MTRR: variants seen among roughly 807,000 people sequenced by gnomAD.
MTRR encodes the protein methionine synthase reductase.
In MTRR, 63 loss-of-function variants were observed where a neutral mutation model predicts 79.2. The ratio of observed to expected loss-of-function variants is 0.80; its 90% CI spans 0.65 to 0.98. The LOEUF is 0.98. MTRR is among the 50% of genes least tolerant of loss of function. MTRR has a pLI of 0.00. For missense variants in MTRR, 895 were observed against 839.6 expected, an observed-to-expected ratio of 1.07 and a Z score of -0.82; for synonymous variants, 355 against 313.3, an observed-to-expected ratio of 1.13 and a Z score of -1.41.
intron 10 of MTRR, 54 bp from the exon 11 acceptor site, chr5:7,892,673 A>G: frequency 6.5e-7 from 1 of 1,539,474 alleles, no homozygotes; most frequent in Non-Finnish European, 9.0e-7. Context: ...GGTTTGACCC[A>G]TATGTGTAGT....
chr5:7,871,750 T>A (rs1254689702), intron 2 of MTRR, among the ~76,000 whole-genome samples: 1 of 152,210 alleles, frequency 6.6e-6, no homozygotes. Context: ...ACCTAGTTCC[T>A]TTATGCAGCC....
At chr5:7,867,923 C>A (rs371427214), upstream of MTRR, 60 of 1,614,056 alleles carry the variant, frequency 3.7e-5, no homozygotes, top group Non-Finnish European at 4.9e-5. Context: ...GAATTTGACC[C>A]CGAAAGGCTC....
chr5:7,869,114 A>G (rs775137288), upstream of MTRR: 1 of 1,613,286 alleles, frequency 6.2e-7, no homozygotes, highest in Non-Finnish European at 8.5e-7. Flanking sequence ...GGAGCTTTCT[A>G]TTGGTCCTGG....
Position 7,900,158 on chromosome 5 carries a change from CTTT to C in MTRR, c.*101_*103del. The C allele has an allele frequency of 7.1e-7, 1 of 1,400,064 alleles. No individual in the cohort carries two copies. Among genetic ancestry groups the C allele is most frequent in the Non-Finnish European group, 9.8e-7 (1 of 1,018,042 alleles). 86.7% of individuals were successfully genotyped at this position (1,400,064 alleles called of 1,614,324 possible). A position where few individuals can be genotyped will look rare whatever the true frequency, so the allele number is the denominator to read the frequency against. The stretch of plus-strand genomic sequence containing the variant: ...CTTTAAATTTTCAAAAGAAAATTTT[CTTT>C]CAACATTTCTTGAAGGACATGGAGT... On this transcript the variant is annotated 3_prime_UTR_variant, in exon 15 of 15. Coordinates refer to ENST00000440940, the MANE Select transcript of MTRR (RefSeq NM_002454.3).
chr5:7,874,932 T>C (rs1306563400), intron 3 of MTRR, among the ~76,000 whole-genome samples: 3 of 152,184 alleles, frequency 2.0e-5, no homozygotes, highest in East Asian at 1.9e-4. Context: ...ATGACAGATA[T>C]TGTGGTTTTG....
chr5:7,876,343 C>T (rs1012121166), intron 4 of MTRR, among the ~76,000 whole-genome samples: 8 of 152,082 alleles, frequency 5.3e-5, no homozygotes, highest in African/African-American at 1.4e-4. Context: ...TTTTCTTTTG[C>T]CAGAAGCTCA....
upstream of MTRR, chr5:7,866,754 G>T (rs1161516741): frequency 1.2e-6 from 2 of 1,614,028 alleles, no homozygotes; most frequent in Non-Finnish European, 1.7e-6. Context: ...GATTTGGGTG[G>T]AAAATAATTG....
At chr5:7,851,760 G>A (rs1250081348) in intron 1 of MTRR, among the ~76,000 whole-genome samples, 2 of 152,166 alleles carry the variant, frequency 1.3e-5, no homozygotes, top group Non-Finnish European at 2.9e-5. Context: ...TCCTTTGCCA[G>A]TGTGTTTACG....
At chr5:7,872,111 T>C (rs1458975580) in intron 2 of MTRR, 5 of 286,334 alleles carry the variant, frequency 1.7e-5, no homozygotes, top group Non-Finnish European at 3.5e-5. Context: ...ATAGTCCTTT[T>C]CAAGGTACTG....
At position 7,900,102 on chromosome 5, in the gene MTRR, G is replaced by A; in HGVS notation, c.*44G>A. Reference sequence around the variant, plus strand: ...GAGGATTAAGCTTTTTTGACTGAAAGTACTAAAAGTCAGCTTTACTAGTGC... The same window carrying A: ...GAGGATTAAGCTTTTTTGACTGAAAATACTAAAAGTCAGCTTTACTAGTGC... On this transcript the variant is annotated 3_prime_UTR_variant, in exon 15 of 15. Coordinates refer to ENST00000440940, the MANE Select transcript of MTRR (RefSeq NM_002454.3). The A allele has an allele frequency of 6.2e-7, 1 of 1,605,950 alleles. No homozygotes were observed. Among genetic ancestry groups the A allele is most frequent in the Non-Finnish European group, 8.5e-7 (1 of 1,177,196 alleles).
rs879569690 is a variant in MTRR, at chr5:7,863,937, G to A, written n.498+1880G>A. Among the ~76,000 whole-genome samples the A allele has an allele frequency of 2.6e-5, 4 of 152,110 alleles. No individual in the cohort carries two copies. The East Asian group carries it at 7.7e-4, about 29-fold the overall frequency. On this transcript the variant is annotated intron_variant and non_coding_transcript_variant, in intron 2 of 3. Coordinates refer to the MTRR transcript ENST00000502509. ...GCGACCTCGGCTCACTGCAACCTCCGCCTCCTGGGTTGAGCGATTCTCCTA... is the reference window on the plus strand; with the variant it reads ...GCGACCTCGGCTCACTGCAACCTCCACCTCCTGGGTTGAGCGATTCTCCTA...
chr5:7,859,643 A>T lies in MTRR; in HGVS notation n.392-2308A>T, dbSNP rs550190406. On this transcript the variant is annotated intron_variant and non_coding_transcript_variant, in intron 1 of 3. Transcript: ENST00000502509. Reference sequence around the variant, plus strand: ...TTCTTACACGCTTCCCCACAGCGGAATGTAAGCTCCTGGAAGGCAAATATC... The same window carrying T: ...TTCTTACACGCTTCCCCACAGCGGATTGTAAGCTCCTGGAAGGCAAATATC... 3 of 675,898 alleles carry T rather than the reference A, an allele frequency of 4.4e-6. No homozygotes were observed. In the East Asian group the frequency reaches 8.7e-5, roughly 20 times the overall value. The allele number at this position is 675,898 out of a possible 1,614,324, so 41.9% of individuals were successfully genotyped here.
At chr5:7,869,140 G>A, upstream of MTRR, 10 of 1,613,380 alleles carry the variant, frequency 6.2e-6, no homozygotes, top group Non-Finnish European at 7.6e-6. Context: ...GAGCATGGGC[G>A]CTGCGTCAGT....
At chr5:7,851,176 G>A (rs912531689), upstream of MTRR, 39 of 907,618 alleles carry the variant, frequency 4.3e-5, no homozygotes, top group Non-Finnish European at 5.2e-5. Context: ...GCGACCCGGA[G>A]CTGCCCTGCA....
At chr5:7,899,177 C>T (rs1280356449) in intron 14 of MTRR, among the ~76,000 whole-genome samples, 1 of 152,110 alleles carries the variant, frequency 6.6e-6, no homozygotes, top group Non-Finnish European at 1.5e-5. Flanking sequence ...CCCCATGACC[C>T]AGACGCCTCC....
chr5:7,894,821 C>T (rs981412220), intron 11 of MTRR, among the ~76,000 whole-genome samples: 1 of 152,124 alleles, frequency 6.6e-6, no homozygotes, highest in Non-Finnish European at 1.5e-5. Context: ...AAGACAGGGG[C>T]GTTGTTTTGT....
chr5:7,879,904 C>A (rs946656600), intron 5 of MTRR, among the ~76,000 whole-genome samples: 2 of 152,210 alleles, frequency 1.3e-5, no homozygotes, highest in East Asian at 3.8e-4. Context: ...CTGGGCCCCA[C>A]GCAAAGCTGG....
chr5:7,899,572 G>A (rs528918080), intron 14 of MTRR, among the ~76,000 whole-genome samples: 5 of 152,322 alleles, frequency 3.3e-5, no homozygotes, highest in Non-Finnish European at 7.4e-5. Context: ...TGAGAGTGGA[G>A]GGCAGGGAAT....
intron 4 of MTRR, among the ~76,000 whole-genome samples, chr5:7,877,243 CTGT>C (rs1284136373): frequency 1.3e-5 from 2 of 152,116 alleles, no homozygotes; most frequent in African/African-American, 2.4e-5. Context: ...CAGGGAATGG[CTGT>C]TGTTATGATA....
Sources: allele counts gnomAD v4.1 joint callset (sites outside exome capture counted in the v4.1 genomes callset), GRCh38; gene constraint gnomAD v4.1.1; transcripts MANE v1.5; gene names NCBI Gene and HGNC (gene_info 2026-07-23, HGNC 2026-07-21).